The following SEMA5A variants were observed in gnomAD, a reference collection of about 807,000 sequenced individuals.
SEMA5A encodes the protein semaphorin-5A.
In SEMA5A, 55 loss-of-function variants were observed where a neutral mutation model predicts 135.5. That is an observed-to-expected ratio of 0.41 (90% CI 0.33 to 0.51). SEMA5A has a LOEUF of 0.51. Among genes scored for constraint, SEMA5A ranks in the 20% least tolerant of loss-of-function variants. The probability of loss-of-function intolerance (pLI) is 0.37; values close to 1 mark genes in which losing one functional copy is unlikely to be tolerated. For missense variants in SEMA5A, 1,290 were observed against 1,419.9 expected, an observed-to-expected ratio of 0.91 and a Z score of 1.47; for synonymous variants, 580 against 546.5, an observed-to-expected ratio of 1.06 and a Z score of -0.85.
intron 14 of SEMA5A, among the ~76,000 whole-genome samples, chr5:9,120,371 C>T (rs1018490790): frequency 5.9e-5 from 9 of 151,916 alleles, no homozygotes; most frequent in Non-Finnish European, 1.3e-4. Context: ...AAAATAATTT[C>T]AAATAAAAAT....
At position 9,418,530 on chromosome 5, in the gene SEMA5A, A is replaced by G. The variant is rs563661726; in HGVS notation, c.-78+19226T>C. 2.0e-5 allele frequency among the ~76,000 whole-genome samples: 3 copies of G among 152,286 alleles called. No individual in the cohort carries two copies. The South Asian group carries it at 6.2e-4, about 32-fold the overall frequency. The stretch of plus-strand genomic sequence containing the variant: ...GCATTTGGTTCCAGCTGTAATCCTC[A>G]GCCCCCTCCCATGATGGTAATCAAA... On this transcript the variant is annotated intron_variant, in intron 2 of 22. Coordinates refer to ENST00000382496, the MANE Select transcript of SEMA5A (RefSeq NM_003966.3).
At chr5:9,222,374 G>A (rs1399409527) in intron 8 of SEMA5A, among the ~76,000 whole-genome samples, 1 of 152,098 alleles carries the variant, frequency 6.6e-6, no homozygotes, top group Non-Finnish European at 1.5e-5. Context: ...CACAGGAGAG[G>A]TATGAAGACA....
At chr5:9,242,789 C>A (rs1404887227) in intron 5 of SEMA5A, among the ~76,000 whole-genome samples, 1 of 152,028 alleles carries the variant, frequency 6.6e-6, no homozygotes, top group Non-Finnish European at 1.5e-5. Context: ...TTTAAATGAT[C>A]AATTTCAAAA....
intron 5 of SEMA5A, among the ~76,000 whole-genome samples, chr5:9,305,613 C>T (rs12658266): frequency 0.68 from 102,789 of 151,044 alleles, 38,010 homozygotes; most frequent in Non-Finnish European, 0.83. Context: ...AAAGTGTACG[C>T]CAAAACCCAT....
At chr5:9,341,568 T>C (rs774411973) in intron 3 of SEMA5A, among the ~76,000 whole-genome samples, 6 of 151,124 alleles carry the variant, frequency 4.0e-5, no homozygotes, top group Non-Finnish European at 8.8e-5. Flanking sequence ...TTTACCTTTT[T>C]CCTCCTATCC....
intron 2 of SEMA5A, among the ~76,000 whole-genome samples, chr5:9,401,769 G>A: frequency 6.6e-6 from 1 of 152,194 alleles, no homozygotes. Context: ...AAAATTTAAA[G>A]ATGAGAATCA....
intron 1 of SEMA5A, among the ~76,000 whole-genome samples, chr5:9,493,224 T>C (rs555266254): frequency 5.3e-5 from 8 of 151,194 alleles, no homozygotes; most frequent in Non-Finnish European, 1.2e-4. Flanking sequence ...ATATATAATA[T>C]AGGCCTATTA....
intron 18 of SEMA5A, among the ~76,000 whole-genome samples, chr5:9,061,383 G>A (rs1561113518): frequency 6.6e-6 from 1 of 152,260 alleles, no homozygotes; most frequent in African/African-American, 2.4e-5. Flanking sequence ...CCAGGCCCCT[G>A]CTGGGAGCTA....
chr5:9,122,457 G>A (rs1483240885), intron 14 of SEMA5A, among the ~76,000 whole-genome samples, 199 bp downstream of exon 14: 2 of 152,202 alleles, frequency 1.3e-5, no homozygotes, highest in Non-Finnish European at 2.9e-5. Context: ...AAGAGTATGT[G>A]AATAAGCGTA....
chr5:9,111,628 G>T (rs1740245711), intron 15 of SEMA5A, among the ~76,000 whole-genome samples: 1 of 152,090 alleles, frequency 6.6e-6, no homozygotes, highest in Non-Finnish European at 1.5e-5. Flanking sequence ...GCCACACCAG[G>T]ATCTGCTGGC....
At chr5:9,100,396 T>C (rs1047716211) in intron 16 of SEMA5A, among the ~76,000 whole-genome samples, 6 of 152,156 alleles carry the variant, frequency 3.9e-5, no homozygotes, top group African/African-American at 1.4e-4. Context: ...TGGCTTTCCA[T>C]GTTGGGAGTC....
intron 3 of SEMA5A, among the ~76,000 whole-genome samples, chr5:9,352,222 T>C (rs758739434): frequency 4.6e-5 from 7 of 152,124 alleles, no homozygotes; most frequent in African/African-American, 1.7e-4. Context: ...GTCCTACATG[T>C]CATCTGTATT....
intron 8 of SEMA5A, among the ~76,000 whole-genome samples, chr5:9,221,159 G>A (rs1246362564): frequency 1.3e-5 from 2 of 152,170 alleles, no homozygotes; most frequent in African/African-American, 4.8e-5. Context: ...AAGTCTGAGA[G>A]CATCATTTAA....
At chr5:9,416,014 G>C (rs1757272395) in intron 2 of SEMA5A, among the ~76,000 whole-genome samples, 1 of 152,180 alleles carries the variant, frequency 6.6e-6, no homozygotes, top group African/African-American at 2.4e-5. Flanking sequence ...AATAAACTCT[G>C]TGTTTCAGGG....
intron 12 of SEMA5A, among the ~76,000 whole-genome samples, chr5:9,147,398 A>C (rs1742396962): frequency 1.3e-5 from 2 of 151,882 alleles, no homozygotes; most frequent in Admixed American, 1.3e-4. Flanking sequence ...TCAGCCTCAG[A>C]GTAGCTGGTT....
At chr5:9,507,811 T>C (rs62342575) in intron 1 of SEMA5A, among the ~76,000 whole-genome samples, 12,077 of 152,060 alleles carry the variant, frequency 0.079, 517 homozygotes, top group South Asian at 0.1. Context: ...GAGACCATCC[T>C]GGCTAACATG....
At chr5:9,299,134 T>G (rs755467044) in intron 5 of SEMA5A, among the ~76,000 whole-genome samples, 11 of 152,170 alleles carry the variant, frequency 7.2e-5, no homozygotes, top group Non-Finnish European at 1.2e-4. Flanking sequence ...AGGGGGCATC[T>G]TTACCTAATG....
At chr5:9,340,973 A>C (rs1753621986) in intron 3 of SEMA5A, among the ~76,000 whole-genome samples, 1 of 152,012 alleles carries the variant, frequency 6.6e-6, no homozygotes, top group African/African-American at 2.4e-5. Context: ...TTTCCCCTTT[A>C]ATCGCTTCTC....
At chr5:9,333,126 A>G (rs1753230812) in intron 4 of SEMA5A, among the ~76,000 whole-genome samples, 1 of 152,260 alleles carries the variant, frequency 6.6e-6, no homozygotes, top group Non-Finnish European at 1.5e-5. Context: ...AAAAACCTGA[A>G]GAAAATTCAC....
Sources: gnomAD v4.1 joint callset for allele counts (sites outside exome capture counted in the v4.1 genomes callset) on GRCh38, gnomAD v4.1.1 for gene constraint, MANE v1.5 for transcripts, NCBI Gene and HGNC (gene_info 2026-07-23, HGNC 2026-07-21) for gene names.